The following SHTN1 variants were observed in gnomAD, a reference collection of about 807,000 sequenced individuals.
The protein encoded by SHTN1 is shootin 1, also known as shootin-1.
SHTN1 carries 42 observed loss-of-function variants against 83.1 expected under a neutral mutation model. That is an observed-to-expected ratio of 0.51 (90% CI 0.39 to 0.65). The LOEUF (loss-of-function observed/expected upper bound fraction) is 0.65. SHTN1 is among the 30% of genes least tolerant of loss of function. The probability of loss-of-function intolerance (pLI) is 0.00; values close to 1 mark genes in which losing one functional copy is unlikely to be tolerated. For missense variants in SHTN1, 622 were observed against 737.8 expected (o/e 0.84, Z 1.82); for synonymous variants, 224 against 247.7 (o/e 0.90, Z 0.90).
intron 1 of SHTN1, among the ~76,000 whole-genome samples, chr10:117,107,662 C>G (rs1006790809): frequency 2.0e-5 from 3 of 152,160 alleles, no homozygotes; most frequent in Admixed American, 2.0e-4. Flanking sequence ...GCAGCAGTGA[C>G]AGAGGCCAAA....
At chr10:117,006,018 G>A (rs557336471), upstream of SHTN1, among the ~76,000 whole-genome samples, 1 of 152,304 alleles carries the variant, frequency 6.6e-6, no homozygotes, top group South Asian at 2.1e-4. Flanking sequence ...GTCTGTGTTA[G>A]ACCATGCCCA....
chr10:116,985,570 C>G (rs530371603), intron 1 of SHTN1, among the ~76,000 whole-genome samples: 1 of 152,068 alleles, frequency 6.6e-6, no homozygotes, highest in Non-Finnish European at 1.5e-5. Flanking sequence ...TAGGTCTTCA[C>G]GTGAGCAAAT....
intron 2 of SHTN1, among the ~76,000 whole-genome samples, chr10:117,030,049 C>T (rs758051239): frequency 7.2e-5 from 11 of 151,992 alleles, no homozygotes; most frequent in South Asian, 4.2e-4. Context: ...CCATCACGCC[C>T]GGCTAATTTT....
At chr10:117,008,460 TTAATG>T (rs1852053691), upstream of SHTN1, among the ~76,000 whole-genome samples, 3 of 152,148 alleles carry the variant, frequency 2.0e-5, no homozygotes, top group Admixed American at 2.0e-4. Context: ...ACAGAGCTAT[TTAATG>T]TAATGTTAAT....
chr10:117,062,430 T>C (rs1047463853), intron 1 of SHTN1, among the ~76,000 whole-genome samples: 5 of 152,140 alleles, frequency 3.3e-5, no homozygotes, highest in African/African-American at 1.2e-4. Context: ...ATGAATTAGC[T>C]TACATTTTGA....
chr10:116,921,552 T>C, intron 11 of SHTN1, 36 bp from the exon 12 acceptor site: 1 of 1,495,588 alleles, frequency 6.7e-7, no homozygotes, highest in Non-Finnish European at 9.3e-7. Context: ...AGGAGATTAC[T>C]GGATGCCTAG....
intron 9 of SHTN1, among the ~76,000 whole-genome samples, chr10:116,933,501 C>T (rs1048825158): frequency 2.0e-5 from 3 of 152,158 alleles, no homozygotes; most frequent in African/African-American, 7.2e-5. Flanking sequence ...ACGAACGCAT[C>T]CTTTTTTATG....
At chr10:117,044,573 C>T (rs1279635466) in intron 2 of SHTN1, among the ~76,000 whole-genome samples, 3 of 152,046 alleles carry the variant, frequency 2.0e-5, no homozygotes, top group East Asian at 3.8e-4. Flanking sequence ...TTTTCTATAT[C>T]AATTTGAAAT....
intron 16 of SHTN1, chr10:116,900,749 T>C (rs1847702102): frequency 2.0e-6 from 2 of 984,280 alleles, no homozygotes; most frequent in Admixed American, 1.2e-4. Flanking sequence ...TTCAAATGAC[T>C]CTAGTCAAAA....
intron 2 of SHTN1, among the ~76,000 whole-genome samples, chr10:117,018,065 A>G (rs955300567): frequency 2.0e-5 from 3 of 152,196 alleles, no homozygotes; most frequent in Non-Finnish European, 4.4e-5. Flanking sequence ...CTAAGCAGAC[A>G]TGATGACTAC....
intron 1 of SHTN1, among the ~76,000 whole-genome samples, chr10:117,050,704 A>T (rs1852727642): frequency 1.3e-5 from 2 of 152,142 alleles, no homozygotes; most frequent in South Asian, 4.1e-4. Context: ...GACTAAAAAA[A>T]AAAAGGAGAG....
At chr10:116,961,908 T>C (rs941458559) in intron 3 of SHTN1, among the ~76,000 whole-genome samples, 14 of 152,162 alleles carry the variant, frequency 9.2e-5, no homozygotes, top group African/African-American at 3.4e-4. Context: ...GTGAATTAAA[T>C]TGTATCTGCT....
intron 1 of SHTN1, among the ~76,000 whole-genome samples, chr10:117,116,536 G>A (rs982902205): frequency 2.0e-5 from 3 of 152,000 alleles, no homozygotes; most frequent in African/African-American, 7.2e-5. Context: ...TTAAAGAGGA[G>A]GGAATATTTC....
intron 2 of SHTN1, among the ~76,000 whole-genome samples, chr10:117,015,348 T>G (rs1249389893): frequency 6.6e-6 from 1 of 152,192 alleles, no homozygotes; most frequent in Non-Finnish European, 1.5e-5. Context: ...TTGTTTGTTT[T>G]AAGATGGAGT....
At chr10:117,026,034 G>A (rs1433242298) in intron 2 of SHTN1, among the ~76,000 whole-genome samples, 1 of 152,150 alleles carries the variant, frequency 6.6e-6, no homozygotes, top group Admixed American at 6.6e-5. Flanking sequence ...GAGAAAAGCA[G>A]AGGGAAAACT....
intron 1 of SHTN1, among the ~76,000 whole-genome samples, chr10:117,082,681 G>A (rs2133613163): frequency 6.7e-6 from 1 of 150,102 alleles, no homozygotes; most frequent in East Asian, 2.0e-4. Flanking sequence ...AAGTCTCTTT[G>A]TAGGTCACTC....
At chr10:116,999,233 C>T (rs1851739559) in intron 1 of SHTN1, among the ~76,000 whole-genome samples, 1 of 152,168 alleles carries the variant, frequency 6.6e-6, no homozygotes, top group Non-Finnish European at 1.5e-5. Context: ...GAACATTAAT[C>T]AATTTTTAAT....
At chr10:116,962,816 G>A (rs546216224) in intron 3 of SHTN1, among the ~76,000 whole-genome samples, 18 of 151,908 alleles carry the variant, frequency 1.2e-4, no homozygotes, top group South Asian at 2.1e-4. Context: ...TTTAAATTGC[G>A]CATTAATTTT....
intron 8 of SHTN1, among the ~76,000 whole-genome samples, chr10:116,944,019 T>G (rs1453356869): frequency 6.6e-6 from 1 of 152,066 alleles, no homozygotes; most frequent in Non-Finnish European, 1.5e-5. Context: ...AAGAGGAAGA[T>G]CAGTAGGCTG....
Sources: allele counts gnomAD v4.1 joint callset (sites outside exome capture counted in the v4.1 genomes callset), GRCh38; gene constraint gnomAD v4.1.1; transcripts MANE v1.5; gene names NCBI Gene and HGNC (gene_info 2026-07-23, HGNC 2026-07-21).